Variants in VKORC1L1 observed in about 807,000 individuals in gnomAD.
VKORC1L1 encodes vitamin K epoxide reductase complex subunit 1L1.
A neutral mutation model predicts 18.9 loss-of-function variants in VKORC1L1; 2 were observed. The observed-to-expected ratio is 0.11, with a 90% confidence interval of 0.04 to 0.33. The LOEUF (loss-of-function observed/expected upper bound fraction) is 0.33. VKORC1L1 is among the 10% of genes least tolerant of loss of function. The pLI is 1.00. For synonymous variants in VKORC1L1, 96 were observed against 100.0 expected, an observed-to-expected ratio of 0.96 and a Z score of 0.24; for missense variants, 123 against 224.1, an observed-to-expected ratio of 0.55 and a Z score of 2.88.
At position 65,959,551 on chromosome 7, in the gene VKORC1L1, G is replaced by GAAAT; in HGVS notation, c.*5252_*5255dup. On this transcript the variant is annotated 3_prime_UTR_variant, in exon 3 of 3. Transcript: ENST00000360768. ...TGGACGATGCCTAATAAAACCACAT[G>GAAAT]AAATTAACTTTATTCTTTCTTTCAT... The GAAAT allele has an allele frequency of 6.6e-6, 1 of 152,342 alleles. No individual in the cohort carries two copies. The highest frequency in any genetic ancestry group is 1.9e-4 in the East Asian group (1 of 5,192). 9.4% of individuals were successfully genotyped at this position (152,342 alleles called of 1,614,324 possible).
chr7:65,954,573 T>C lies in VKORC1L1; in HGVS notation c.*273T>C. The stretch of plus-strand genomic sequence containing the variant: ...GAAGTGTTTCTGAAATGATAAAATG[T>C]AGCCCTAGCCCCCTGCCCTCAATTG... On this transcript the variant is annotated 3_prime_UTR_variant, in exon 3 of 3. Transcript: ENST00000360768. The C allele has an allele frequency of 1.9e-6, 1 of 520,550 alleles. No individual in the cohort carries two copies. The highest frequency in any genetic ancestry group is 3.2e-6 in the Non-Finnish European group (1 of 316,404). 32.2% of individuals were successfully genotyped at this position (520,550 alleles called of 1,614,324 possible).
intron 1 of VKORC1L1, among the ~76,000 whole-genome samples, chr7:65,918,258 C>T (rs1326351363): frequency 6.6e-6 from 1 of 152,142 alleles, no homozygotes; most frequent in Admixed American, 6.5e-5. Context: ...GAAACATTGC[C>T]TGTAACTCTT....
intron 1 of VKORC1L1, among the ~76,000 whole-genome samples, chr7:65,907,360 C>T (rs565062021): frequency 1.6e-4 from 25 of 152,272 alleles, no homozygotes; most frequent in African/African-American, 6.0e-4. Context: ...TCGCTTAGAA[C>T]CCGGGAGTCG....
At position 65,898,955 on chromosome 7, in the gene VKORC1L1, A is replaced by G. The variant is rs374118557; in HGVS notation, c.194+25390A>G. On this transcript the variant is annotated intron_variant, in intron 1 of 2. Coordinates refer to ENST00000360768, the MANE Select transcript of VKORC1L1 (RefSeq NM_173517.6). The stretch of plus-strand genomic sequence containing the variant: ...TAACTGGTTTGTTTCACTTAGCACA[A>G]TGTTCTCAAGGTCCATACTATTTTG... Among the ~76,000 whole-genome samples the G allele has an allele frequency of 5.5e-4, 84 of 152,284 alleles. 1 individual carries two copies. The highest frequency in any genetic ancestry group is 2.0e-3 in the African/African-American group (83 of 41,568).
chr7:65,941,477 T>A (rs1283933713), intron 1 of VKORC1L1, among the ~76,000 whole-genome samples: 1 of 152,110 alleles, frequency 6.6e-6, no homozygotes, highest in East Asian at 1.9e-4. Context: ...AAATAATTTT[T>A]AAAAATACAT....
Position 65,873,269 on chromosome 7 carries a change from CGGCGGAGGCGGCGGTGGCGGCGGT to C in VKORC1L1, c.-97_-74del, listed in dbSNP as rs1190986506. 6.6e-5 allele frequency: 65 copies of C among 985,780 alleles called. No individual in the cohort carries two copies. The Middle Eastern group carries it at 1.5e-3, about 23-fold the overall frequency. The allele number at this position is 985,780 out of a possible 1,614,324, so 61.1% of individuals were successfully genotyped here. A position where few individuals can be genotyped will look rare whatever the true frequency, so the allele number is the denominator to read the frequency against. The stretch of plus-strand genomic sequence containing the variant: ...GCGGCGGCGGCGGTGGTGGCGGCGG[CGGCGGAGGCGGCGGTGGCGGCGGT>C]GGCGGCTGGGTCGGGCCCCGACGGG... On this transcript the variant is annotated 5_prime_UTR_variant, in exon 1 of 3. Coordinates refer to ENST00000360768, the MANE Select transcript of VKORC1L1 (RefSeq NM_173517.6).
At chr7:65,888,301 A>T (rs1789048595) in intron 1 of VKORC1L1, among the ~76,000 whole-genome samples, 1 of 152,218 alleles carries the variant, frequency 6.6e-6, no homozygotes, top group African/African-American at 2.4e-5. Context: ...TCTACGTTTT[A>T]TTCTTAACTA....
intron 1 of VKORC1L1, among the ~76,000 whole-genome samples, chr7:65,898,065 A>C (rs534483374): frequency 1.4e-5 from 2 of 147,432 alleles, no homozygotes; most frequent in Non-Finnish European, 3.0e-5. Context: ...TCATACAGTA[A>C]ATTTGTAGCA....
intron 1 of VKORC1L1, among the ~76,000 whole-genome samples, chr7:65,931,089 T>C (rs940792698): frequency 2.0e-5 from 3 of 152,234 alleles, no homozygotes; most frequent in Admixed American, 6.5e-5. Context: ...GGTCATGATA[T>C]ATTATCCTTT....
At position 65,959,540 on chromosome 7, in the gene VKORC1L1, T is replaced by TA. The variant is rs1446569421; in HGVS notation, c.*5244dup. The TA allele has an allele frequency of 1.3e-5, 2 of 152,200 alleles. No individual in the cohort carries two copies. The highest frequency in any genetic ancestry group is 1.9e-4 in the East Asian group (1 of 5,198). The allele number at this position is 152,200 out of a possible 1,614,324, so 9.4% of individuals were successfully genotyped here. A position where few individuals can be genotyped will look rare whatever the true frequency, so the allele number is the denominator to read the frequency against. On this transcript the variant is annotated 3_prime_UTR_variant, in exon 3 of 3. Transcript: ENST00000360768. ...TTTTTAAAAAATGGACGATGCCTAA[T>TA]AAAACCACATGAAATTAACTTTATT...
intron 1 of VKORC1L1, among the ~76,000 whole-genome samples, chr7:65,914,090 A>T (rs758696765): frequency 6.6e-6 from 1 of 152,112 alleles, no homozygotes; most frequent in East Asian, 1.9e-4. Flanking sequence ...TAATATAGAG[A>T]CAGTAAATCT....
intron 1 of VKORC1L1, among the ~76,000 whole-genome samples, chr7:65,882,047 T>C (rs968098526): frequency 6.6e-6 from 1 of 151,358 alleles, no homozygotes; most frequent in Non-Finnish European, 1.5e-5. Flanking sequence ...GCCACTGCAC[T>C]CCAGCCTGAG....
chr7:65,921,533 G>A (rs933994616), intron 1 of VKORC1L1, among the ~76,000 whole-genome samples: 3 of 151,888 alleles, frequency 2.0e-5, no homozygotes, highest in East Asian at 1.9e-4. Flanking sequence ...TTACAGGTGC[G>A]TGCCACCATG....
At chr7:65,895,516 T>TATATACACACACAC (rs370356956) in intron 1 of VKORC1L1, among the ~76,000 whole-genome samples, 39 of 71,524 alleles carry the variant, frequency 5.5e-4, no homozygotes, top group Non-Finnish European at 9.1e-4. Flanking sequence ...TATATATATA[T>TATATACACACACAC]ACACACACAC....
chr7:65,954,610 A>T lies in VKORC1L1; in HGVS notation c.*310A>T. The stretch of plus-strand genomic sequence containing the variant: ...CCTGCCCTCAATTGTAAAGTGAGCA[A>T]CCATTGCTAGTAATTCTTTAATGTG... On this transcript the variant is annotated 3_prime_UTR_variant, in exon 3 of 3. Transcript: ENST00000360768. 1 of 410,068 alleles carries T rather than the reference A, an allele frequency of 2.4e-6. No homozygotes were observed. The highest frequency in any genetic ancestry group is 4.2e-6 in the Non-Finnish European group (1 of 235,936). 25.4% of individuals were successfully genotyped at this position (410,068 alleles called of 1,614,324 possible). A position where few individuals can be genotyped will look rare whatever the true frequency, so the allele number is the denominator to read the frequency against.
intron 1 of VKORC1L1, among the ~76,000 whole-genome samples, chr7:65,889,504 T>A (rs1318553815): frequency 6.6e-6 from 1 of 152,230 alleles, no homozygotes; most frequent in Non-Finnish European, 1.5e-5. Context: ...GCCCCATTGA[T>A]TGTTTTTCAC....
chr7:65,947,059 AC>A (rs1162349976), intron 1 of VKORC1L1, among the ~76,000 whole-genome samples: 6 of 151,944 alleles, frequency 3.9e-5, no homozygotes, highest in African/African-American at 1.5e-4. Flanking sequence ...AATCACTTGA[AC>A]CTCGGAGGTC....
chr7:65,882,597 C>CT (rs1242712734), intron 1 of VKORC1L1, among the ~76,000 whole-genome samples: 1 of 148,790 alleles, frequency 6.7e-6, no homozygotes, highest in African/African-American at 2.6e-5. Flanking sequence ...TTTTTCTTTC[C>CT]TTTTTTTTCC....
At chr7:65,896,563 C>CTTCCTTCT (rs1456159315) in intron 1 of VKORC1L1, among the ~76,000 whole-genome samples, 2 of 140,898 alleles carry the variant, frequency 1.4e-5, no homozygotes, top group Non-Finnish European at 3.1e-5. Context: ...TCCTTCCTTC[C>CTTCCTTCT]TTCCTTCTTT....
Sources: gnomAD v4.1 joint callset for allele counts (sites outside exome capture counted in the v4.1 genomes callset) on GRCh38, gnomAD v4.1.1 for gene constraint, MANE v1.5 for transcripts, NCBI Gene and HGNC (gene_info 2026-07-23, HGNC 2026-07-21) for gene names.